Variants in CALCOCO1 observed in about 807,000 individuals in gnomAD.
The protein encoded by CALCOCO1 is calcium-binding and coiled-coil domain-containing protein 1.
In CALCOCO1, 44 loss-of-function variants were observed where a neutral mutation model predicts 86.3. The observed-to-expected ratio is 0.51, with a 90% confidence interval of 0.40 to 0.66. The LOEUF (loss-of-function observed/expected upper bound fraction) is 0.66. Among genes scored for constraint, CALCOCO1 ranks in the 30% least tolerant of loss-of-function variants. The probability of loss-of-function intolerance (pLI) is 0.00; values close to 1 mark genes in which losing one functional copy is unlikely to be tolerated. For synonymous variants in CALCOCO1, 297 were observed against 327.6 expected (o/e 0.91, Z 1.01); for missense variants, 708 against 851.1 (o/e 0.83, Z 2.09).
At chr12:53,714,537 A>G (rs1355397249) in intron 11 of CALCOCO1, 61 bp downstream of exon 11, 1 of 1,275,126 alleles carries the variant, frequency 7.8e-7, no homozygotes, top group African/African-American at 1.5e-5. Flanking sequence ...GAATTTACAA[A>G]GTTTCTAGCC....
chr12:53,715,234 T>C lies in CALCOCO1; in HGVS notation c.1352A>G (p.Lys451Arg), dbSNP rs1452877843. The change falls in exon 10 of 15, where the codon AAG becomes AGG. Residue 451 changes from lysine (K) to arginine (R), a missense_variant. By Grantham distance (26) the Lys-to-Arg change is conservative (BLOSUM62 2). Coordinates refer to ENST00000550804, the MANE Select transcript of CALCOCO1 (RefSeq NM_020898.3). ...ATCCTTCTCCCGGGCCAGCTCAGTC[T>C]TGAACACTTGGTTTTGGGTCCTCTC... is the stretch of plus-strand genomic sequence containing the variant. The part of the protein sequence containing the change: ...QEERTQNQVF[K>R]TELAREKDSS... 2 of 1,614,200 alleles carry C rather than the reference T, an allele frequency of 1.2e-6. No homozygotes were observed. Among genetic ancestry groups the C allele is most frequent in the Non-Finnish European group, 1.7e-6 (2 of 1,180,030 alleles).
chr12:53,712,759 G>T lies in CALCOCO1; in HGVS notation c.1898+341C>A, dbSNP rs368295716. 4.7e-5 allele frequency: 61 copies of T among 1,290,490 alleles called. No homozygotes were observed. The African/African-American group carries it at 8.2e-4, about 17-fold the overall frequency. 79.9% of individuals were successfully genotyped at this position (1,290,490 alleles called of 1,614,324 possible). A position where few individuals can be genotyped will look rare whatever the true frequency, so the allele number is the denominator to read the frequency against. ...TGGTCACCTCCCTTCCTCCCCGGAG[G>T]ACCCTAGGTACCTACCTGGTGGTTG... On this transcript the variant is annotated intron_variant, in intron 14 of 14. Coordinates refer to ENST00000550804, the MANE Select transcript of CALCOCO1 (RefSeq NM_020898.3).
chr12:53,713,980 G>T (rs1295668814), intron 12 of CALCOCO1, 80 bp from the exon 13 acceptor site: 3 of 1,357,954 alleles, frequency 2.2e-6, no homozygotes, highest in African/African-American at 2.9e-5. Context: ...TGGATGAGGG[G>T]TATCATTAGA....
At position 53,713,793 on chromosome 12, in the gene CALCOCO1, G is replaced by A; in HGVS notation, c.1699C>T (p.Pro567Ser). The A allele has an allele frequency of 6.2e-7, 1 of 1,600,680 alleles. No individual in the cohort carries two copies. Among genetic ancestry groups the A allele is most frequent in the Non-Finnish European group, 8.5e-7 (1 of 1,173,766 alleles). ...ACAACAAGGGGAGAAGCCTCTCGAG[G>A]CCCAGCAGGAGAGGAGCCTGGGTCT... ...RGDPGSSPAGPREASPLVVIS... is the reference protein window; with the variant it reads ...RGDPGSSPAGSREASPLVVIS... Residue 567 changes from proline to serine, a missense_variant, in exon 13 of 15, where the codon CCT (proline) becomes TCT (serine). Transcript: ENST00000550804.
intron 5 of CALCOCO1, 69 bp downstream of exon 5, chr12:53,721,956 T>A: frequency 6.4e-7 from 1 of 1,573,378 alleles, no homozygotes. Context: ...TTCACCCTCT[T>A]CACTGGGTTC....
chr12:53,724,022 G>A (rs926314878), intron 3 of CALCOCO1: 1 of 540,482 alleles, frequency 1.9e-6, no homozygotes, highest in Non-Finnish European at 3.3e-6. Flanking sequence ...AGACACTGTG[G>A]TAACACTTTT....
At chr12:53,724,173 G>T in intron 3 of CALCOCO1, 1 of 435,050 alleles carries the variant, frequency 2.3e-6, no homozygotes, top group Non-Finnish European at 4.4e-6. Flanking sequence ...TGGGACTACA[G>T]GCATGCACCA....
intron 14 of CALCOCO1, chr12:53,712,682 C>T: frequency 1.6e-6 from 1 of 642,450 alleles, no homozygotes; most frequent in Non-Finnish European, 2.2e-6. Context: ...TCAGTTGTAG[C>T]CAGATGGATG....
chr12:53,721,698 C>G, intron 5 of CALCOCO1, 83 bp from the exon 6 acceptor site: 1 of 1,535,208 alleles, frequency 6.5e-7, no homozygotes, highest in Non-Finnish European at 8.9e-7. Flanking sequence ...GAAGAGCACA[C>G]CAGGGTCTGA....
intron 14 of CALCOCO1, chr12:53,712,760 AC>A: frequency 2.3e-6 from 3 of 1,294,350 alleles, no homozygotes; most frequent in Non-Finnish European, 3.0e-6. Flanking sequence ...TCCCCGGAGG[AC>A]CCTAGGTACC....
chr12:53,717,293 C>T (rs1565645308), intron 7 of CALCOCO1, among the ~76,000 whole-genome samples: 1 of 152,198 alleles, frequency 6.6e-6, no homozygotes, highest in Non-Finnish European at 1.5e-5. Flanking sequence ...TCTTGAACTC[C>T]TGAGCTCGAG....
intron 6 of CALCOCO1, among the ~76,000 whole-genome samples, chr12:53,720,364 T>C (rs1416600706): frequency 6.6e-6 from 1 of 152,260 alleles, no homozygotes; most frequent in Non-Finnish European, 1.5e-5. Flanking sequence ...CATACAACTT[T>C]CACATGTCAC....
Position 53,723,487 on chromosome 12 carries a change from C to T in CALCOCO1, c.450+106G>A, listed in dbSNP as rs886715446. ...GACTTTGTCTAACTTTCAACGAGGT[C>T]TTTAGTTGGCGCCACAGATGAGGGG... On this transcript the variant is annotated intron_variant, in intron 4 of 14. Transcript: ENST00000550804. 4.2e-6 allele frequency: 5 copies of T among 1,193,784 alleles called. No homozygotes were observed. In the African/African-American group the frequency reaches 7.5e-5, roughly 18 times the overall value. The allele number at this position is 1,193,784 out of a possible 1,614,324, so 73.9% of individuals were successfully genotyped here.
Position 53,711,789 on chromosome 12 carries a change from T to G in CALCOCO1, c.*155A>C. 1 of 618,882 alleles carries G rather than the reference T, an allele frequency of 1.6e-6. No homozygotes were observed. The highest frequency in any genetic ancestry group is 3.8e-5 in the South Asian group (1 of 26,570). The allele number at this position is 618,882 out of a possible 1,614,324, so 38.3% of individuals were successfully genotyped here. On this transcript the variant is annotated 3_prime_UTR_variant, in exon 15 of 15. Coordinates refer to ENST00000550804, the MANE Select transcript of CALCOCO1 (RefSeq NM_020898.3). ...GTAGGAGAGGATGAAGTGAGAAATC[T>G]TGGGATGAAAACAGGGCACACAGAA...
chr12:53,723,737 A>G lies in CALCOCO1; in HGVS notation c.306T>C (p.Tyr102=). The change falls in exon 4 of 15, where the codon TAT becomes TAC. Residue 102 remains tyrosine (Y), a synonymous_variant. Coordinates refer to ENST00000550804, the MANE Select transcript of CALCOCO1 (RefSeq NM_020898.3). The stretch of plus-strand genomic sequence containing the variant: ...CACACACCTGGCCCTGGCGGTTCAC[A>G]TATCGGAACTGGTAGAGCTGAGCTC... ...KPGAQLYQFR[Y]VNRQGQVCGQ... The G allele has an allele frequency of 6.2e-7, 1 of 1,614,160 alleles. No homozygotes were observed. Among genetic ancestry groups the G allele is most frequent in the Non-Finnish European group, 8.5e-7 (1 of 1,180,022 alleles).
intron 4 of CALCOCO1, 72 bp downstream of exon 4, chr12:53,723,521 G>T: frequency 6.6e-7 from 1 of 1,515,272 alleles, no homozygotes; most frequent in Non-Finnish European, 9.2e-7. Context: ...GGAGGGTAAG[G>T]TGGGAAGGGT....
intron 1 of CALCOCO1, 68 bp from the exon 2 acceptor site, chr12:53,725,334 CCACA>C: frequency 9.3e-7 from 1 of 1,075,064 alleles, no homozygotes; most frequent in Non-Finnish European, 1.3e-6. Context: ...AGCTCCAGCA[CCACA>C]CACTCACAGC....
chr12:53,712,632 TA>T (rs762346945), intron 14 of CALCOCO1: 1 of 341,440 alleles, frequency 2.9e-6, no homozygotes, highest in Non-Finnish European at 5.2e-6. Context: ...TTCCCTTCCC[TA>T]AGGGTTACCC....
Position 53,723,705 on chromosome 12 carries a change from C to T in CALCOCO1, c.338G>A (p.Ser113Asn). 1 of 1,614,214 alleles carries T rather than the reference C, an allele frequency of 6.2e-7. No homozygotes were observed. Among genetic ancestry groups the T allele is most frequent in the Non-Finnish European group, 8.5e-7 (1 of 1,180,028 alleles). ...VNRQGQVCGQSPPFQFREPRP... is the reference protein window; with the variant it reads ...VNRQGQVCGQNPPFQFREPRP... ...TGGCTCTCGGAACTGGAAAGGGGGG[C>T]TCTGCCCACACACCTGGCCCTGGCG... Residue 113 changes from serine to asparagine, a missense_variant, in exon 4 of 15, where the codon AGC becomes AAC. Ser to Asn is a conservative substitution (Grantham distance 46). Coordinates refer to ENST00000550804, the MANE Select transcript of CALCOCO1 (RefSeq NM_020898.3).
Sources: allele counts gnomAD v4.1 joint callset (sites outside exome capture counted in the v4.1 genomes callset), GRCh38; gene constraint gnomAD v4.1.1; transcripts MANE v1.5; gene names NCBI Gene and HGNC (gene_info 2026-07-23, HGNC 2026-07-21).